GABRG3: variants seen among roughly 807,000 people sequenced by gnomAD.
The protein encoded by GABRG3 is gamma-aminobutyric acid receptor subunit gamma-3.
In GABRG3, 25 loss-of-function variants were observed where a neutral mutation model predicts 48.8. The ratio of observed to expected loss-of-function variants is 0.51; its 90% confidence interval spans 0.37 to 0.72. The LOEUF is 0.72. Among genes scored for constraint, GABRG3 ranks in the 30% least tolerant of loss-of-function variants. GABRG3 has a pLI of 0.00. For missense variants in GABRG3, 394 were observed against 577.9 expected (o/e 0.68, Z 3.26); for synonymous variants, 227 against 217.6 (o/e 1.04, Z -0.38).
intron 5 of GABRG3, among the ~76,000 whole-genome samples, chr15:27,378,433 G>C (rs1895667107): frequency 6.6e-6 from 1 of 152,092 alleles, no homozygotes; most frequent in Admixed American, 6.5e-5. Context: ...ATATCTATTA[G>C]AGTGGGCAAT....
intron 5 of GABRG3, among the ~76,000 whole-genome samples, chr15:27,474,198 T>C (rs763502469): frequency 4.6e-5 from 7 of 152,176 alleles, no homozygotes; most frequent in Non-Finnish European, 1.0e-4. Flanking sequence ...CTTCAAAAAT[T>C]TGGTGACAAG....
intron 5 of GABRG3, among the ~76,000 whole-genome samples, chr15:27,374,941 G>A (rs1201512696): frequency 6.6e-6 from 1 of 152,108 alleles, no homozygotes; most frequent in Non-Finnish European, 1.5e-5. Context: ...ATGTGCCCTG[G>A]GGACAATCAC....
Position 27,235,186 on chromosome 15 carries a change from CTT to C in GABRG3, c.271-91620_271-91619del, listed in dbSNP as rs1248944895. On this transcript the variant is annotated intron_variant, in intron 3 of 9. Coordinates refer to ENST00000615808, the MANE Select transcript of GABRG3 (RefSeq NM_033223.5). ...AAAAAATGAAATTGTAATTTAAACT[CTT>C]TTCACATTTTTTGTAAGAAATAAAA... 2.0e-5 allele frequency among the ~76,000 whole-genome samples: 3 copies of C among 152,218 alleles called. No individual in the cohort carries two copies. In the East Asian group the frequency reaches 5.8e-4, roughly 29 times the overall value.
At chr15:27,274,559 C>G (rs145201341) in intron 3 of GABRG3, among the ~76,000 whole-genome samples, 8 of 152,246 alleles carry the variant, frequency 5.3e-5, no homozygotes, top group African/African-American at 1.9e-4. Flanking sequence ...TGTACCAAGC[C>G]CAGTGGCCCA....
At chr15:27,401,645 C>T (rs1359843760) in intron 5 of GABRG3, among the ~76,000 whole-genome samples, 3 of 152,196 alleles carry the variant, frequency 2.0e-5, no homozygotes, top group African/African-American at 4.8e-5. Context: ...ACCAGGTTCA[C>T]GTCTTGACCT....
intron 5 of GABRG3, among the ~76,000 whole-genome samples, chr15:27,424,002 T>C (rs1481958027): frequency 6.6e-6 from 1 of 152,138 alleles, no homozygotes; most frequent in Non-Finnish European, 1.5e-5. Context: ...TCAGTAGTGC[T>C]CAACTTACTA....
chr15:27,524,923 A>G (rs1024249966), intron 7 of GABRG3, among the ~76,000 whole-genome samples: 1 of 152,194 alleles, frequency 6.6e-6, no homozygotes, highest in African/African-American at 2.4e-5. Flanking sequence ...AAATTAGCAG[A>G]GAGGATTAAA....
At chr15:27,477,081 A>T (rs2150843167) in intron 5 of GABRG3, among the ~76,000 whole-genome samples, 1 of 152,298 alleles carries the variant, frequency 6.6e-6, no homozygotes, top group Admixed American at 6.5e-5. Context: ...TTCCTCAAAA[A>T]ACAAAGGAAA....
In GABRG3 at chr15:27,328,863, C is replaced by T. The variant is rs764930221; in HGVS notation, c.549C>T (p.His183=). 6.2e-7 allele frequency: 1 copy of T among 1,614,046 alleles called. No homozygotes were observed. The highest frequency in any genetic ancestry group is 8.5e-7 in the Non-Finnish European group (1 of 1,179,880). Residue 183 remains histidine (H), a synonymous_variant, in exon 5 of 10, where the codon CAC becomes CAT. Coordinates refer to ENST00000615808, the MANE Select transcript of GABRG3 (RefSeq NM_033223.5). The part of the protein sequence containing the change: ...LQLHNFPMDE[H]SCPLIFSSYG... Reference sequence around the variant, plus strand: ...TGCACAACTTCCCCATGGACGAACACTCCTGCCCGCTGATTTTCTCCAGCT... The same window carrying T: ...TGCACAACTTCCCCATGGACGAACATTCCTGCCCGCTGATTTTCTCCAGCT...
At chr15:27,527,903 T>G in intron 8 of GABRG3, 30 bp from the exon 9 acceptor site, 1 of 1,506,580 alleles carries the variant, frequency 6.6e-7, no homozygotes, top group Non-Finnish European at 9.1e-7. Flanking sequence ...CATGACAGTT[T>G]CCTAGTTATT....
chr15:27,502,882 G>A (rs975996645), intron 6 of GABRG3, among the ~76,000 whole-genome samples: 7 of 152,204 alleles, frequency 4.6e-5, no homozygotes, highest in South Asian at 2.1e-4. Flanking sequence ...GTTGGGGTGC[G>A]CCACCTGCAT....
At chr15:27,212,699 A>G (rs1889115508) in intron 3 of GABRG3, among the ~76,000 whole-genome samples, 1 of 152,114 alleles carries the variant, frequency 6.6e-6, no homozygotes, top group African/African-American at 2.4e-5. Context: ...CCCACACTGA[A>G]ACTTTGTACT....
rs1891661699 is a variant in GABRG3, at chr15:27,541,586, C to T, written c.*8705C>T. The T allele has an allele frequency of 6.6e-6, 1 of 152,312 alleles. No individual in the cohort carries two copies. Among genetic ancestry groups the T allele is most frequent in the Non-Finnish European group, 1.5e-5 (1 of 68,100 alleles). 9.4% of individuals were successfully genotyped at this position (152,312 alleles called of 1,614,324 possible). On this transcript the variant is annotated 3_prime_UTR_variant, in exon 10 of 10. Transcript: ENST00000615808. ...ATCTTAGAGCACCGGTGTGGATGCG[C>T]TTGGCCCCGAGGGGGCCGCGCCCTG... is the stretch of plus-strand genomic sequence containing the variant.
At chr15:27,355,238 T>C (rs1894796617) in intron 5 of GABRG3, among the ~76,000 whole-genome samples, 1 of 152,080 alleles carries the variant, frequency 6.6e-6, no homozygotes, top group African/African-American at 2.4e-5. Flanking sequence ...GAACAGACCA[T>C]GGAAAGAGGG....
intron 3 of GABRG3, among the ~76,000 whole-genome samples, chr15:27,190,791 C>G (rs1276836035): frequency 6.6e-6 from 1 of 151,922 alleles, no homozygotes; most frequent in Non-Finnish European, 1.5e-5. Context: ...TTTGCTCTTG[C>G]TTTTCTAGTT....
At chr15:27,307,187 G>A (rs1177484899) in intron 3 of GABRG3, among the ~76,000 whole-genome samples, 1 of 134,172 alleles carries the variant, frequency 7.5e-6, no homozygotes, top group Non-Finnish European at 1.6e-5. Context: ...ATATAAACAT[G>A]TTTATATTAT....
At chr15:27,199,653 G>A (rs1284437363) in intron 3 of GABRG3, among the ~76,000 whole-genome samples, 1 of 152,062 alleles carries the variant, frequency 6.6e-6, no homozygotes, top group Non-Finnish European at 1.5e-5. Context: ...CAGCTGATGT[G>A]CCTGCTCCCC....
chr15:27,076,843 A>C (rs922047853), intron 3 of GABRG3, among the ~76,000 whole-genome samples: 2 of 152,196 alleles, frequency 1.3e-5, no homozygotes, highest in African/African-American at 4.8e-5. Context: ...CCCTACCAGC[A>C]CTTTGATTTA....
intron 6 of GABRG3, among the ~76,000 whole-genome samples, chr15:27,495,136 C>T (rs1311390183): frequency 6.6e-6 from 1 of 152,152 alleles, no homozygotes; most frequent in East Asian, 1.9e-4. Context: ...CTCCTCCCCC[C>T]AACCCATGGG....
Sources: allele counts gnomAD v4.1 joint callset (sites outside exome capture counted in the v4.1 genomes callset), GRCh38; gene constraint gnomAD v4.1.1; transcripts MANE v1.5; gene names NCBI Gene and HGNC (gene_info 2026-07-23, HGNC 2026-07-21).